The following DAB1 variants were observed in gnomAD, a reference collection of about 807,000 sequenced individuals.
DAB1 encodes DAB adaptor protein 1, also known as disabled homolog 1.
Under a neutral mutation model 64.6 loss-of-function variants are expected in DAB1, and 15 were observed. The ratio of observed to expected loss-of-function variants is 0.23; its 90% confidence interval spans 0.16 to 0.36. DAB1 has a LOEUF of 0.36. Ranked by LOEUF, DAB1 falls within the 10% of genes least tolerant of loss-of-function variation. The pLI is 1.00. For missense variants in DAB1, 596 were observed against 706.7 expected (o/e 0.84, Z 1.78); for synonymous variants, 235 against 251.9 (o/e 0.93, Z 0.64).
intron 11 of DAB1, among the ~76,000 whole-genome samples, chr1:57,017,166 T>A (rs1220553781): frequency 6.6e-6 from 1 of 152,114 alleles, no homozygotes; most frequent in East Asian, 1.9e-4. Context: ...GTCCCCACCC[T>A]TCTCAGGGGA....
At chr1:57,410,071 T>A (rs1683986656) in intron 1 of DAB1, among the ~76,000 whole-genome samples, 1 of 151,930 alleles carries the variant, frequency 6.6e-6, no homozygotes, top group Admixed American at 6.6e-5. Flanking sequence ...TTTGATTTGA[T>A]AAAACTGGAG....
chr1:57,704,365 T>G (rs1310704934), intron 6 of DAB1, among the ~76,000 whole-genome samples: 1 of 152,186 alleles, frequency 6.6e-6, no homozygotes, highest in African/African-American at 2.4e-5. Context: ...TCCCATCTGA[T>G]GTAACTAATT....
chr1:57,528,637 GACACACACACACAC>G (rs372009576), intron 7 of DAB1, among the ~76,000 whole-genome samples: 73 of 22,182 alleles, frequency 3.3e-3, no homozygotes, highest in Admixed American at 4.4e-3. Flanking sequence ...AAAGCAGCAG[GACACACACACACAC>G]ACACACACAC....
At chr1:58,485,823 A>G (rs1013396972) in intron 3 of DAB1, among the ~76,000 whole-genome samples, 1 of 152,220 alleles carries the variant, frequency 6.6e-6, no homozygotes, top group African/African-American at 2.4e-5. Context: ...TAACAAACGC[A>G]TGCTAAATTT....
At chr1:57,454,756 T>C (rs557982268) in intron 7 of DAB1, among the ~76,000 whole-genome samples, 1 of 152,216 alleles carries the variant, frequency 6.6e-6, no homozygotes, top group South Asian at 2.1e-4. Context: ...GAGGAAAAGT[T>C]ACTATTGTGG....
chr1:58,375,356 T>A (rs1332485759), intron 3 of DAB1, among the ~76,000 whole-genome samples: 2 of 139,918 alleles, frequency 1.4e-5, no homozygotes, highest in African/African-American at 2.8e-5. Flanking sequence ...ATACATCCCA[T>A]CAATACCTAA....
Position 57,667,818 on chromosome 1 carries a change from T to C in DAB1, n.552-18153A>G, listed in dbSNP as rs574573591. On this transcript the variant is annotated intron_variant and non_coding_transcript_variant, in intron 6 of 20. Transcript: ENST00000485760. ...GCATATCCTCACTCATAAGTGAGAATTGAACAATGAGAACACATGGACACG... is the reference window on the plus strand; with the variant it reads ...GCATATCCTCACTCATAAGTGAGAACTGAACAATGAGAACACATGGACACG... Among the ~76,000 whole-genome samples the C allele has an allele frequency of 4.3e-4, 66 of 152,108 alleles. 1 individual carries two copies. Among genetic ancestry groups the C allele is most frequent in the Admixed American group, 3.6e-3 (55 of 15,272 alleles).
chr1:57,010,176 C>G (rs1033815500), intron 14 of DAB1, among the ~76,000 whole-genome samples: 1 of 152,126 alleles, frequency 6.6e-6, no homozygotes, highest in Non-Finnish European at 1.5e-5. Flanking sequence ...AATGCAGTGA[C>G]ATTTTGCTTA....
intron 6 of DAB1, among the ~76,000 whole-genome samples, chr1:57,711,400 G>A (rs547900837): frequency 2.0e-5 from 3 of 152,170 alleles, no homozygotes; most frequent in African/African-American, 7.2e-5. Flanking sequence ...TAAGGTGTGG[G>A]CTATGCAGAT....
chr1:58,076,399 A>C (rs1425071924), intron 5 of DAB1, among the ~76,000 whole-genome samples: 1 of 152,124 alleles, frequency 6.6e-6, no homozygotes, highest in African/African-American at 2.4e-5. Context: ...CTTATATAAT[A>C]ATTGGCAACT....
chr1:57,070,820 C>T, intron 7 of DAB1: 1 of 599,072 alleles, frequency 1.7e-6, no homozygotes, highest in Non-Finnish European at 3.1e-6. Context: ...TCTCCAAATC[C>T]CAAGATACCG....
At chr1:58,322,986 A>G (rs1662723409) in intron 4 of DAB1, among the ~76,000 whole-genome samples, 2 of 151,954 alleles carry the variant, frequency 1.3e-5, no homozygotes, top group African/African-American at 4.8e-5. Flanking sequence ...AAACTATCGC[A>G]AGGACAGAAA....
At chr1:57,393,908 A>G (rs566506760) in intron 1 of DAB1, among the ~76,000 whole-genome samples, 15 of 152,232 alleles carry the variant, frequency 9.9e-5, no homozygotes, top group South Asian at 8.3e-4. Flanking sequence ...CCCTTGAGAT[A>G]GATGACTGAA....
chr1:57,693,307 T>C (rs1204421446), intron 6 of DAB1, among the ~76,000 whole-genome samples: 2 of 151,236 alleles, frequency 1.3e-5, no homozygotes, highest in African/African-American at 4.9e-5. Context: ...CCAGCTGGCC[T>C]TACTGGGTCA....
At chr1:57,466,362 T>C (rs1467773861) in intron 7 of DAB1, among the ~76,000 whole-genome samples, 1 of 152,164 alleles carries the variant, frequency 6.6e-6, no homozygotes, top group Non-Finnish European at 1.5e-5. Flanking sequence ...TCCCAAATGA[T>C]TGACCATTTT....
chr1:57,299,248 A>G (rs1348879760), intron 1 of DAB1, among the ~76,000 whole-genome samples: 7 of 152,252 alleles, frequency 4.6e-5, no homozygotes, highest in South Asian at 2.1e-4. Context: ...CTTGAATTAA[A>G]CAAACTAATC....
chr1:58,367,836 A>C (rs2100531718), intron 3 of DAB1, among the ~76,000 whole-genome samples: 1 of 152,252 alleles, frequency 6.6e-6, no homozygotes, highest in Non-Finnish European at 1.5e-5. Context: ...ACTCACTAAT[A>C]CTACCATCAA....
At chr1:57,473,873 A>C (rs1242296064) in intron 7 of DAB1, among the ~76,000 whole-genome samples, 3 of 152,210 alleles carry the variant, frequency 2.0e-5, no homozygotes, top group Admixed American at 2.0e-4. Flanking sequence ...AATAACCGTA[A>C]AAATGTCTAT....
chr1:57,808,193 ACATG>A (rs1651454822), intron 6 of DAB1, among the ~76,000 whole-genome samples: 2 of 96,460 alleles, frequency 2.1e-5, no homozygotes, highest in African/African-American at 1.1e-4. Flanking sequence ...ACACACATGC[ACATG>A]CACACACACA....
Sources: gnomAD v4.1 joint callset for allele counts (sites outside exome capture counted in the v4.1 genomes callset) on GRCh38, gnomAD v4.1.1 for gene constraint, MANE v1.5 for transcripts, NCBI Gene and HGNC (gene_info 2026-07-23, HGNC 2026-07-21) for gene names.